ROS1: variants seen among roughly 807,000 people sequenced by gnomAD.
ROS1 encodes proto-oncogene tyrosine-protein kinase ROS.
ROS1 carries 263 observed loss-of-function variants against 273.5 expected under a neutral mutation model. The observed-to-expected ratio is 0.96, with a 90% CI of 0.87 to 1.06. ROS1 has a LOEUF of 1.06. Ranked by LOEUF, ROS1 falls within the 50% of genes least tolerant of loss-of-function variation. The pLI is 0.00. For missense variants in ROS1, 2,833 were observed against 2,751.1 expected, an observed-to-expected ratio of 1.03 and a Z score of -0.67; for synonymous variants, 1,008 against 954.1, an observed-to-expected ratio of 1.06 and a Z score of -1.04.
chr6:117,311,882 C>A (rs111859531), intron 39 of ROS1, among the ~76,000 whole-genome samples: 49 of 152,212 alleles, frequency 3.2e-4, no homozygotes, highest in African/African-American at 1.1e-3. Context: ...CTGTCCCTTT[C>A]CATTGTCCTG....
intron 39 of ROS1, among the ~76,000 whole-genome samples, chr6:117,311,723 C>A (rs897304172): frequency 6.6e-6 from 1 of 152,084 alleles, no homozygotes; most frequent in Non-Finnish European, 1.5e-5. Flanking sequence ...TTTCAAATTA[C>A]TCCTCTCATC....
intron 18 of ROS1, among the ~76,000 whole-genome samples, chr6:117,373,131 C>A (rs528660147): frequency 3.9e-5 from 6 of 152,356 alleles, no homozygotes; most frequent in Admixed American, 6.5e-5. Flanking sequence ...GAACCCTGAG[C>A]TAGACACAGA....
chr6:117,356,425 A>C, intron 26 of ROS1, among the ~76,000 whole-genome samples: 1 of 152,228 alleles, frequency 6.6e-6, no homozygotes, highest in East Asian at 1.9e-4. Flanking sequence ...ATTTTTTAAA[A>C]CACAGATTTA....
At chr6:117,381,472 T>A (rs936706669) in intron 17 of ROS1, among the ~76,000 whole-genome samples, 1 of 152,076 alleles carries the variant, frequency 6.6e-6, no homozygotes, top group Non-Finnish European at 1.5e-5. Context: ...CTCCCACTTA[T>A]AAGTGAGAAC....
At chr6:117,409,045 T>C (rs1345127739) in intron 5 of ROS1, among the ~76,000 whole-genome samples, 3 of 116,876 alleles carry the variant, frequency 2.6e-5, no homozygotes, top group African/African-American at 3.3e-5. Flanking sequence ...AGGGGAACAT[T>C]ACACACCAGG....
At chr6:117,320,656 T>G (rs543230) in intron 36 of ROS1, among the ~76,000 whole-genome samples, 14,404 of 152,230 alleles carry the variant, frequency 0.095, 873 homozygotes, top group Middle Eastern at 0.14. Flanking sequence ...CTGATTTAGA[T>G]CACCTTTGTG....
At chr6:117,329,287 T>G (rs1037099975) in intron 33 of ROS1, 42 bp downstream of exon 33, 1 of 874,512 alleles carries the variant, frequency 1.1e-6, no homozygotes, top group Non-Finnish European at 1.9e-6. Flanking sequence ...AATTATCTTC[T>G]TAGTTCTTTG....
chr6:117,299,008 GA>G (rs1774468990), intron 43 of ROS1, among the ~76,000 whole-genome samples: 3 of 6,116 alleles, frequency 4.9e-4, no homozygotes, highest in African/African-American at 1.9e-3. Context: ...TATATATATA[GA>G]GAGCCCCCCA....
intron 35 of ROS1, among the ~76,000 whole-genome samples, chr6:117,323,933 G>A (rs776441763): frequency 3.9e-5 from 6 of 152,122 alleles, no homozygotes; most frequent in Non-Finnish European, 5.9e-5. Context: ...ATCAAAGATT[G>A]TCACTGGCCT....
chr6:117,360,432 T>C, intron 22 of ROS1, 27 bp from the exon 23 acceptor site: 1 of 1,526,682 alleles, frequency 6.6e-7, no homozygotes, highest in Non-Finnish European at 9.1e-7. Context: ...AAAAATTGCA[T>C]TCAGTAGTGT....
At position 117,365,123 on chromosome 6, in the gene ROS1, T is replaced by G; in HGVS notation, c.3040A>C (p.Thr1014Pro). Residue 1014 changes from threonine (T) to proline (P), a missense_variant, in exon 21 of 44, where the codon ACT becomes CCT. Thr to Pro is a conservative substitution (Grantham distance 38). Coordinates refer to ENST00000368507, the MANE Select transcript of ROS1 (RefSeq NM_001378902.1). ...EPYALFNLSVTPYTYWGKGPK... is the reference protein window; with the variant it reads ...EPYALFNLSVPPYTYWGKGPK... ...CCCTTTCCCCAGTAGGTATAAGGAG[T>G]GACAGAAAGATTAAATAAGGCATAA... 1 of 1,613,450 alleles carries G rather than the reference T, an allele frequency of 6.2e-7. No homozygotes were observed. The highest frequency in any genetic ancestry group is 1.3e-5 in the African/African-American group (1 of 74,938).
In ROS1 at chr6:117,359,887, T is replaced by C. The variant is rs757517139; in HGVS notation, c.3555A>G (p.Thr1185=). The C allele has an allele frequency of 1.2e-5, 19 of 1,613,818 alleles. No individual in the cohort carries two copies. The South Asian group carries it at 2.1e-4, about 18-fold the overall frequency. The change falls in exon 24 of 44, where the codon ACA becomes ACG. Residue 1185 remains threonine, a synonymous_variant. Coordinates refer to ENST00000368507, the MANE Select transcript of ROS1 (RefSeq NM_001378902.1). ...AERVISAVCY[T]ADNEMGYYAE... ...CATAATATCCCATCTCATTATCAGC[T>C]GTGTAGCAAACGGCACTGATAACTC...
intron 4 of ROS1, among the ~76,000 whole-genome samples, chr6:117,413,937 C>T (rs1011883072): frequency 9.9e-5 from 15 of 152,134 alleles, no homozygotes; most frequent in African/African-American, 3.4e-4. Context: ...GCCGAGATTG[C>T]ACCACTGCAC....
chr6:117,377,072 CAG>C (rs999932063), intron 18 of ROS1, among the ~76,000 whole-genome samples: 12 of 151,838 alleles, frequency 7.9e-5, no homozygotes, highest in African/African-American at 2.7e-4. Flanking sequence ...AGGAACAGAA[CAG>C]AGAGTCCAGA....
intron 6 of ROS1, among the ~76,000 whole-genome samples, chr6:117,403,747 A>C (rs948487764): frequency 1.3e-5 from 2 of 152,154 alleles, no homozygotes; most frequent in African/African-American, 4.8e-5. Flanking sequence ...GTACTGAAGG[A>C]ATAGTATATA....
At chr6:117,394,137 T>C (rs367663327) in intron 11 of ROS1, 25 bp downstream of exon 11, 18 of 1,492,966 alleles carry the variant, frequency 1.2e-5, no homozygotes, top group Non-Finnish European at 1.6e-5. Flanking sequence ...TCTATCACTA[T>C]TCCTCTTTAA....
chr6:117,343,510 G>A (rs1778115793), intron 28 of ROS1, among the ~76,000 whole-genome samples: 1 of 151,930 alleles, frequency 6.6e-6, no homozygotes. Context: ...TCAAGAAATA[G>A]TTAGTGAATG....
chr6:117,414,390 C>T, intron 4 of ROS1, 129 bp downstream of exon 4: 2 of 657,600 alleles, frequency 3.0e-6, no homozygotes, highest in Non-Finnish European at 5.4e-6. Context: ...AGAGTAATAA[C>T]ACTTTGAGGA....
chr6:117,424,584 A>G (rs759000890), intron 1 of ROS1, among the ~76,000 whole-genome samples: 4 of 152,062 alleles, frequency 2.6e-5, no homozygotes, highest in African/African-American at 4.8e-5. Flanking sequence ...GCAATTCTAT[A>G]TTAAAGGCAA....
Sources: gnomAD v4.1 joint callset for allele counts (sites outside exome capture counted in the v4.1 genomes callset) on GRCh38, gnomAD v4.1.1 for gene constraint, MANE v1.5 for transcripts, NCBI Gene and HGNC (gene_info 2026-07-23, HGNC 2026-07-21) for gene names.